The following NPR3 variants were observed in gnomAD, a reference collection of about 807,000 sequenced individuals.
The protein encoded by NPR3 is natriuretic peptide receptor 3.
In NPR3, 34 loss-of-function variants were observed where a neutral mutation model predicts 54.5. That is an observed-to-expected ratio of 0.62 (90% confidence interval 0.47 to 0.83). NPR3 has a LOEUF of 0.83. Among genes scored for constraint, NPR3 ranks in the 40% least tolerant of loss-of-function variants. NPR3 has a pLI of 0.00. For synonymous variants in NPR3, 289 were observed against 297.1 expected, an observed-to-expected ratio of 0.97 and a Z score of 0.28; for missense variants, 674 against 720.8, an observed-to-expected ratio of 0.94 and a Z score of 0.74.
At chr5:32,729,012 GTGTTTTTT>G (rs1739305449) in intron 2 of NPR3, among the ~76,000 whole-genome samples, 1 of 127,728 alleles carries the variant, frequency 7.8e-6, no homozygotes, top group Non-Finnish European at 1.6e-5. Flanking sequence ...GTGTGCCTGT[GTGTTTTTT>G]TTTTTTTTTG....
At position 32,732,369 on chromosome 5, in the gene NPR3, G is replaced by A. The variant is rs75087500; in HGVS notation, c.893-6495G>A. Among the ~76,000 whole-genome samples, 1,247 of 150,378 alleles carry A rather than the reference G, an allele frequency of 8.3e-3. 51 individuals are homozygous for A. The East Asian group carries it at 0.089, about 11-fold the overall frequency. ...AAAGAGACAACACAACAGGTAAAAAGAGACCCTCCTGGTTGACATGGTTCT... is the reference window on the plus strand; with the variant it reads ...AAAGAGACAACACAACAGGTAAAAAAAGACCCTCCTGGTTGACATGGTTCT... On this transcript the variant is annotated intron_variant, in intron 2 of 7. Transcript: ENST00000265074.
At position 32,790,858 on chromosome 5, in the gene NPR3, AG is replaced by A. The variant is rs1351422378; in HGVS notation, c.*4514del. ...TTTTATAATAGCTCTGTGATATATC[AG>A]TGGGAGATGATTCATAGGGGAGAGA... On this transcript the variant is annotated 3_prime_UTR_variant, in exon 8 of 8. Coordinates refer to ENST00000265074, the MANE Select transcript of NPR3 (RefSeq NM_001204375.2). 6.0e-6 allele frequency: 1 copy of A among 167,080 alleles called. No individual in the cohort carries two copies. The highest frequency in any genetic ancestry group is 2.4e-5 in the African/African-American group (1 of 41,450). 10.3% of individuals were successfully genotyped at this position (167,080 alleles called of 1,614,324 possible). A position where few individuals can be genotyped will look rare whatever the true frequency, so the allele number is the denominator to read the frequency against.
chr5:32,763,008 A>G (rs565428022), intron 3 of NPR3, among the ~76,000 whole-genome samples: 22 of 152,202 alleles, frequency 1.4e-4, no homozygotes, highest in Non-Finnish European at 2.8e-4. Context: ...TAATTTTTGT[A>G]TAAGGTATAA....
chr5:32,723,171 G>T (rs144146696), intron 1 of NPR3, among the ~76,000 whole-genome samples: 1 of 152,300 alleles, frequency 6.6e-6, no homozygotes, highest in East Asian at 1.9e-4. Context: ...GGCATGCATC[G>T]TGATAATGCG....
chr5:32,721,009 T>G (rs1738829950), intron 1 of NPR3, among the ~76,000 whole-genome samples: 1 of 152,212 alleles, frequency 6.6e-6, no homozygotes, highest in African/African-American at 2.4e-5. Flanking sequence ...ACCTTTTGAT[T>G]GTATAAAGGC....
In NPR3 at chr5:32,786,603, A is replaced by G; in HGVS notation, c.*258A>G. ...TAAATGTTCATACTGTTTCAAGCCC[A>G]TATGATTAGATTTATGTTTTTAAAA... On this transcript the variant is annotated 3_prime_UTR_variant, in exon 8 of 8. Transcript: ENST00000265074. 1 of 402,290 alleles carries G rather than the reference A, an allele frequency of 2.5e-6. No individual in the cohort carries two copies. Among genetic ancestry groups the G allele is most frequent in the Non-Finnish European group, 4.3e-6 (1 of 230,964 alleles). 24.9% of individuals were successfully genotyped at this position (402,290 alleles called of 1,614,324 possible).
At chr5:32,697,790 A>G (rs1485414885) in intron 1 of NPR3, among the ~76,000 whole-genome samples, 1 of 152,166 alleles carries the variant, frequency 6.6e-6, no homozygotes, top group Non-Finnish European at 1.5e-5. Flanking sequence ...GGCTGCTTAT[A>G]GTAGCCTCTA....
chr5:32,736,582 A>C (rs1165178970), intron 2 of NPR3, among the ~76,000 whole-genome samples: 1 of 152,206 alleles, frequency 6.6e-6, no homozygotes, highest in Non-Finnish European at 1.5e-5. Context: ...CCTGCAAGCA[A>C]TGGGCTCCTC....
intron 4 of NPR3, among the ~76,000 whole-genome samples, chr5:32,776,225 A>G (rs777109337): frequency 6.6e-6 from 1 of 152,236 alleles, no homozygotes; most frequent in Non-Finnish European, 1.5e-5. Context: ...AATTTTCCAT[A>G]TGAGAACTCA....
chr5:32,733,494 C>CTAG (rs1739572983), intron 2 of NPR3, among the ~76,000 whole-genome samples: 1 of 152,126 alleles, frequency 6.6e-6, no homozygotes, highest in Non-Finnish European at 1.5e-5. Flanking sequence ...GCGATCCTGT[C>CTAG]TAGAACTGCT....
intron 1 of NPR3, among the ~76,000 whole-genome samples, chr5:32,704,370 TTGTGTGTGTGTG>T (rs57959913): frequency 2.7e-5 from 4 of 146,888 alleles, no homozygotes; most frequent in East Asian, 2.0e-4. Context: ...TTTTGGCTCT[TTGTGTGTGTGTG>T]TGTGTGTGTG....
At chr5:32,766,097 A>G (rs1741444895) in intron 3 of NPR3, among the ~76,000 whole-genome samples, 1 of 152,184 alleles carries the variant, frequency 6.6e-6, no homozygotes, top group African/African-American at 2.4e-5. Context: ...AAGCCAGAGG[A>G]TGGCGGGGGT....
intron 1 of NPR3, among the ~76,000 whole-genome samples, chr5:32,722,307 C>G (rs1218250954): frequency 6.6e-6 from 1 of 152,132 alleles, no homozygotes; most frequent in Non-Finnish European, 1.5e-5. Context: ...ACATCTGAAT[C>G]CTCTACTGGC....
At chr5:32,785,741 TC>T (rs1370609850) in intron 7 of NPR3, among the ~76,000 whole-genome samples, 1 of 152,216 alleles carries the variant, frequency 6.6e-6, no homozygotes, top group African/African-American at 2.4e-5. Flanking sequence ...TACTGATTGT[TC>T]TGCCCCGTGA....
intron 1 of NPR3, among the ~76,000 whole-genome samples, chr5:32,715,238 G>C (rs1194031821): frequency 6.6e-6 from 1 of 152,220 alleles, no homozygotes; most frequent in Non-Finnish European, 1.5e-5. Flanking sequence ...TCTCACCCAA[G>C]TGTGAAAATG....
intron 3 of NPR3, among the ~76,000 whole-genome samples, chr5:32,764,135 C>T (rs918807196): frequency 6.6e-6 from 1 of 152,160 alleles, no homozygotes; most frequent in Admixed American, 6.5e-5. Flanking sequence ...TCTCAGCCTA[C>T]CCTCTTTCTA....
intron 3 of NPR3, among the ~76,000 whole-genome samples, chr5:32,742,897 C>G (rs947438105): frequency 2.0e-5 from 3 of 151,936 alleles, no homozygotes; most frequent in Non-Finnish European, 4.4e-5. Flanking sequence ...TTACTTTAGG[C>G]GTTATGTATT....
chr5:32,713,481 G>A (rs1031084434), intron 1 of NPR3: 1 of 983,222 alleles, frequency 1.0e-6, no homozygotes, highest in South Asian at 4.7e-5. Context: ...CCGGTATAGC[G>A]CCGATCCCTC....
At position 32,780,724 on chromosome 5, in the gene NPR3, A is replaced by T; in HGVS notation, c.1198A>T (p.Ile400Phe). 6.8e-7 allele frequency: 1 copy of T among 1,463,046 alleles called. No individual in the cohort carries two copies. 90.6% of individuals were successfully genotyped at this position (1,463,046 alleles called of 1,614,324 possible). Residue 400 changes from isoleucine (I) to phenylalanine (F), a missense_variant and splice_region_variant, in exon 5 of 8, where the codon ATC (isoleucine) becomes TTC (phenylalanine). Physicochemically the swap from Ile to Phe is conservative, Grantham distance 21 (BLOSUM62 0). Transcript: ENST00000265074. ...GTTCTTCGCTTCTGGTCCTGTAGGTATCGCCGGGCAGGTGTCCATAGATGC... is the reference window on the plus strand; with the variant it reads ...GTTCTTCGCTTCTGGTCCTGTAGGTTTCGCCGGGCAGGTGTCCATAGATGC... ...QQTWNRTFEG[I>F]AGQVSIDANG...
Sources: gnomAD v4.1 joint callset for allele counts (sites outside exome capture counted in the v4.1 genomes callset) on GRCh38, gnomAD v4.1.1 for gene constraint, MANE v1.5 for transcripts, NCBI Gene and HGNC (gene_info 2026-07-23, HGNC 2026-07-21) for gene names.